CHAF1A: variants seen among roughly 807,000 people sequenced by gnomAD.
CHAF1A encodes chromatin assembly factor 1 subunit A, also known as CAF-1 subunit A.
CHAF1A carries 5 observed loss-of-function variants against 93.2 expected under a neutral mutation model. The observed-to-expected ratio is 0.05, with a 90% CI of 0.03 to 0.11. The LOEUF (loss-of-function observed/expected upper bound fraction) is 0.11, where lower values mean the gene tolerates loss of function less well. Ranked by LOEUF, CHAF1A falls within the 10% of genes least tolerant of loss-of-function variation. CHAF1A has a pLI of 1.00. For synonymous variants in CHAF1A, 504 were observed against 510.3 expected, an observed-to-expected ratio of 0.99 and a Z score of 0.17; for missense variants, 1,102 against 1,259.9, an observed-to-expected ratio of 0.87 and a Z score of 1.90.
chr19:4,445,776 C>T (rs1185285998), downstream of CHAF1A: 4 of 1,281,486 alleles, frequency 3.1e-6, no homozygotes, highest in Admixed American at 2.6e-5. Flanking sequence ...CCTGCCCTCT[C>T]CCTCCGGGAC....
At chr19:4,431,899 C>G (rs243371) in intron 11 of CHAF1A, 53 bp from the exon 12 acceptor site, 2 of 1,543,804 alleles carry the variant, frequency 1.3e-6, no homozygotes, top group South Asian at 2.5e-5. Flanking sequence ...AAAGAGTGCC[C>G]GGGCATAGGG....
At chr19:4,427,134 G>GTTTTTTTT (rs1568437409) in intron 7 of CHAF1A, among the ~76,000 whole-genome samples, 2 of 45,276 alleles carry the variant, frequency 4.4e-5, no homozygotes, top group African/African-American at 8.7e-5. Context: ...AAAAGACCCT[G>GTTTTTTTT]TCTTTTTTTT....
chr19:4,438,552 G>T (rs1207394427), intron 13 of CHAF1A, among the ~76,000 whole-genome samples: 2 of 152,120 alleles, frequency 1.3e-5, no homozygotes, highest in African/African-American at 4.8e-5. Context: ...TGACCTAGTG[G>T]GGTGAAGTGC....
chr19:4,449,330 TCCACCCA>T, downstream of CHAF1A: 1 of 153,168 alleles, frequency 6.5e-6, no homozygotes, highest in Non-Finnish European at 1.5e-5. Context: ...AGCCCAGAGC[TCCACCCA>T]CCACCCCCCA....
intron 3 of CHAF1A, among the ~76,000 whole-genome samples, chr19:4,411,152 G>A (rs1737355057): frequency 6.6e-6 from 1 of 152,094 alleles, no homozygotes; most frequent in African/African-American, 2.4e-5. Context: ...ATCTGTACCT[G>A]TAAGCAGGTA....
intron 7 of CHAF1A, among the ~76,000 whole-genome samples, chr19:4,424,468 C>T (rs903673093): frequency 6.6e-6 from 1 of 151,980 alleles, no homozygotes; most frequent in Admixed American, 6.6e-5. Flanking sequence ...ATGTATCTGG[C>T]CTTTATTTAT....
At position 4,426,196 on chromosome 19, in the gene CHAF1A, T is replaced by C. The variant is rs149916983; in HGVS notation, c.1377+2322T>C. 5.4e-4 allele frequency among the ~76,000 whole-genome samples: 81 copies of C among 150,964 alleles called. 2 individuals are homozygous for C. The highest frequency in any genetic ancestry group is 1.9e-3 in the African/African-American group (80 of 41,070). ...TTTTTTTTTTTTTTTGAGACACAGT[T>C]TCACTCTGTTGCTGAGGCTGGAGTG... On this transcript the variant is annotated intron_variant, in intron 7 of 14. Transcript: ENST00000301280.
chr19:4,445,568 T>C, downstream of CHAF1A: 3 of 1,613,806 alleles, frequency 1.9e-6, no homozygotes, highest in African/African-American at 1.3e-5. Context: ...CCCCGCGGCC[T>C]TGATGTCCTC....
chr19:4,423,941 A>C, intron 7 of CHAF1A, 67 bp downstream of exon 7: 1 of 1,462,176 alleles, frequency 6.8e-7, no homozygotes, highest in Admixed American at 1.7e-5. Flanking sequence ...TGAAAGTGAA[A>C]GGGTCTCTCC....
intron 3 of CHAF1A, among the ~76,000 whole-genome samples, chr19:4,413,872 G>T (rs999115129): frequency 6.6e-6 from 1 of 152,138 alleles, no homozygotes; most frequent in Non-Finnish European, 1.5e-5. Context: ...TTGAATAGCT[G>T]AAGTGTTCCT....
Position 4,408,980 on chromosome 19 carries a change from G to T in CHAF1A, c.181G>T (p.Val61Leu), listed in dbSNP as rs769755031. 1.2e-6 allele frequency: 2 copies of T among 1,614,186 alleles called. No homozygotes were observed. Among genetic ancestry groups the T allele is most frequent in the East Asian group, 2.2e-5 (1 of 44,882 alleles). Reference sequence around the variant, plus strand: ...CATGTCAGACGATCAGGGTACTTCTGTGCAAAGTAAAAGCCCCGATTTAGA... The same window carrying T: ...CATGTCAGACGATCAGGGTACTTCTTTGCAAAGTAAAAGCCCCGATTTAGA... ...DDMSDDQGTS[V>L]QSKSPDLEAS... The change falls in exon 3 of 15, where the codon GTG becomes TTG. Residue 61 changes from valine to leucine, a missense_variant. Transcript: ENST00000301280.
intron 4 of CHAF1A, among the ~76,000 whole-genome samples, chr19:4,421,404 A>C (rs903155288): frequency 8.5e-5 from 13 of 152,086 alleles, no homozygotes. Context: ...TCTTATATTG[A>C]ATTTCCCACA....
At chr19:4,438,419 G>A (rs1188835753) in intron 13 of CHAF1A, among the ~76,000 whole-genome samples, 1 of 151,798 alleles carries the variant, frequency 6.6e-6, no homozygotes, top group Admixed American at 6.6e-5. Flanking sequence ...GCTGGTCTTT[G>A]AACTTGTGGG....
At chr19:4,439,378 T>C (rs1974345470) in intron 13 of CHAF1A, among the ~76,000 whole-genome samples, 1 of 152,208 alleles carries the variant, frequency 6.6e-6, no homozygotes, top group South Asian at 2.1e-4. Flanking sequence ...TTTTCCGTAG[T>C]CTGCGCTCCT....
At chr19:4,446,507 T>C, downstream of CHAF1A, 1 of 1,608,212 alleles carries the variant, frequency 6.2e-7, no homozygotes, top group Non-Finnish European at 8.5e-7. Flanking sequence ...CACCTGAGCC[T>C]CTGCTCCCGC....
rs1433429406 is a variant in CHAF1A, at chr19:4,409,138, C to T, written c.339C>T (p.Ser113=). The stretch of plus-strand genomic sequence containing the variant: ...GAATCGAAACCAGTATTGGCCAGAG[C>T]ACAGTCATCATTGATTTGACAGAGG... ...RNRIETSIGQ[S]TVIIDLTEDS... The change falls in exon 3 of 15, where the codon AGC becomes AGT. Residue 113 remains serine (S), a synonymous_variant. Coordinates refer to ENST00000301280, the MANE Select transcript of CHAF1A (RefSeq NM_005483.3). The T allele has an allele frequency of 6.2e-7, 1 of 1,614,070 alleles. No individual in the cohort carries two copies. Among genetic ancestry groups the T allele is most frequent in the African/African-American group, 1.3e-5 (1 of 74,916 alleles).
At chr19:4,434,877 C>A (rs1005247351) in intron 13 of CHAF1A, among the ~76,000 whole-genome samples, 1 of 152,010 alleles carries the variant, frequency 6.6e-6, no homozygotes, top group African/African-American at 2.4e-5. Flanking sequence ...GTGATTCCAG[C>A]CTTATGGGTG....
In CHAF1A at chr19:4,431,019, C is replaced by T. The variant is rs1974172682; in HGVS notation, c.1947+378C>T. On this transcript the variant is annotated intron_variant, in intron 11 of 14. Transcript: ENST00000301280. ...ACAATCAAGTGAATGTGGGCAACCA[C>T]CGCCCGAAATAAAACAGAACTTCCC... is the stretch of plus-strand genomic sequence containing the variant. The T allele has an allele frequency of 4.8e-5, 10 of 209,726 alleles. No individual in the cohort carries two copies. In the South Asian group the frequency reaches 7.1e-4, roughly 15 times the overall value. 13.0% of individuals were successfully genotyped at this position (209,726 alleles called of 1,614,324 possible).
chr19:4,426,436 G>A (rs1249939223), intron 7 of CHAF1A, among the ~76,000 whole-genome samples: 1 of 151,880 alleles, frequency 6.6e-6, no homozygotes, highest in African/African-American at 2.4e-5. Flanking sequence ...CCAAAGGGCT[G>A]GGATTACAGG....
Sources: gnomAD v4.1 joint callset for allele counts (sites outside exome capture counted in the v4.1 genomes callset) on GRCh38, gnomAD v4.1.1 for gene constraint, MANE v1.5 for transcripts, NCBI Gene and HGNC (gene_info 2026-07-23, HGNC 2026-07-21) for gene names.